GK3: variants seen among roughly 807,000 people sequenced by gnomAD.
GK3 encodes the protein glycerol kinase 3, also known as glycerol kinase 3 pseudogene.
the GK3 span, chr4:165,279,182 C>A: frequency 1.3e-6 from 2 of 1,581,998 alleles, no homozygotes; most frequent in Non-Finnish European, 1.7e-6. Context: ...GAGGAGCCAG[C>A]GAAGTTTCAC....
At chr4:165,278,394 G>A in the GK3 span, 1 of 1,357,730 alleles carries the variant, frequency 7.4e-7, no homozygotes, top group Admixed American at 1.7e-5. Context: ...TGACTGAGTG[G>A]AATTCCACAG....
At chr4:165,278,387 C>T in the GK3 span, 3 of 1,349,508 alleles carry the variant, frequency 2.2e-6, no homozygotes, top group Non-Finnish European at 3.2e-6. Context: ...CTGCAAATGA[C>T]TGAGTGGAAT....
At chr4:165,279,444 T>C in the GK3 span, 3 of 1,601,248 alleles carry the variant, frequency 1.9e-6, no homozygotes, top group Non-Finnish European at 2.6e-6. Context: ...GTTTTCTCTA[T>C]ACACTCATAG....
chr4:165,278,653 C>T, the GK3 span: 79 of 1,596,816 alleles, frequency 4.9e-5, no homozygotes, highest in Admixed American at 1.3e-3. Context: ...TGTCTCTTAG[C>T]CAGCGAATAA....
the GK3 span, chr4:165,278,488 G>A: frequency 1.3e-6 from 2 of 1,595,176 alleles, no homozygotes; most frequent in South Asian, 1.1e-5. Context: ...ATTTATTCGT[G>A]AATTGAGTGA....
the GK3 span, chr4:165,278,793 A>G: frequency 6.5e-7 from 1 of 1,540,228 alleles, no homozygotes; most frequent in Non-Finnish European, 9.0e-7. Flanking sequence ...TTACATAGTA[A>G]GAAACATCCT....
At chr4:165,278,924 C>A in the GK3 span, 1 of 1,414,080 alleles carries the variant, frequency 7.1e-7, no homozygotes, top group Non-Finnish European at 1.0e-6. Flanking sequence ...TTTCATTAGG[C>A]CATAGATCTC....
the GK3 span, chr4:165,277,900 G>T: frequency 6.3e-5 from 53 of 846,328 alleles, no homozygotes; most frequent in African/African-American, 8.4e-4. Flanking sequence ...TATGAATAGT[G>T]TCATCGCATT....
chr4:165,278,832 T>C, the GK3 span: 6 of 1,545,014 alleles, frequency 3.9e-6, no homozygotes, highest in South Asian at 6.7e-5. Context: ...GCTTGTCCAA[T>C]CTGGAAGCAC....
the GK3 span, chr4:165,278,571 A>G: frequency 6.2e-7 from 1 of 1,609,794 alleles, no homozygotes; most frequent in Non-Finnish European, 8.5e-7. Context: ...GGGACGAAGT[A>G]GCAGCCATAA....
At chr4:165,279,676 G>A in the GK3 span, 331 of 1,592,662 alleles carry the variant, frequency 2.1e-4, no homozygotes, top group Non-Finnish European at 2.6e-4. Flanking sequence ...CCGCGTTTGC[G>A]GCCGGTTTCC....
the GK3 span, chr4:165,279,092 C>T: frequency 1.3e-6 from 2 of 1,575,094 alleles, no homozygotes; most frequent in Non-Finnish European, 8.7e-7. Context: ...TCCTGTCAAA[C>T]TCCAAATAAG....
At chr4:165,278,375 A>T in the GK3 span, 2 of 1,333,826 alleles carry the variant, frequency 1.5e-6, no homozygotes. Flanking sequence ...TCCTCCATCA[A>T]CCTGCAAATG....
the GK3 span, chr4:165,278,507 A>G: frequency 6.2e-7 from 1 of 1,603,588 alleles, no homozygotes. Flanking sequence ...GAGTCCACAG[A>G]TTATCCCTCT....
the GK3 span, chr4:165,279,181 G>C: frequency 6.3e-7 from 1 of 1,589,296 alleles, no homozygotes; most frequent in Non-Finnish European, 8.6e-7. Context: ...CGAGGAGCCA[G>C]CGAAGTTTCA....
At chr4:165,279,642 C>T in the GK3 span, 1 of 1,611,042 alleles carries the variant, frequency 6.2e-7, no homozygotes, top group East Asian at 2.2e-5. Flanking sequence ...TTTGAGGCTG[C>T]CATGAAACCA....
the GK3 span, chr4:165,278,217 C>T: frequency 1.6e-5 from 19 of 1,204,280 alleles, no homozygotes; most frequent in Non-Finnish European, 2.2e-5. Flanking sequence ...GACAAATCCT[C>T]AGGTTCAAGA....
the GK3 span, chr4:165,278,458 T>A: frequency 1.0e-4 from 158 of 1,551,286 alleles, no homozygotes; most frequent in Middle Eastern, 3.3e-4. Context: ...CAGCTTCTAA[T>A]GCAGCAAAAG....
the GK3 span, chr4:165,278,039 A>G: frequency 6.6e-7 from 1 of 1,514,474 alleles, no homozygotes; most frequent in South Asian, 1.1e-5. Flanking sequence ...GCTACTCACT[A>G]TAAAAAAGCC....
Sources: gnomAD v4.1 joint callset for allele counts on GRCh38, gnomAD v4.1.1 for gene constraint, MANE v1.5 for transcripts, NCBI Gene and HGNC (gene_info 2026-07-23, HGNC 2026-07-21) for gene names.